Variants in INPP4B observed in about 807,000 individuals in gnomAD.
The protein encoded by INPP4B is inositol polyphosphate-4-phosphatase type II B.
In INPP4B, 55 loss-of-function variants were observed where a neutral mutation model predicts 122.5. That is an observed-to-expected ratio of 0.45 (90% confidence interval 0.36 to 0.56). INPP4B has a LOEUF of 0.56. Among genes scored for constraint, INPP4B ranks in the 20% least tolerant of loss-of-function variants. The pLI, the probability that INPP4B is intolerant of heterozygous loss-of-function variation, is 0.00. For synonymous variants in INPP4B, 403 were observed against 388.7 expected, an observed-to-expected ratio of 1.04 and a Z score of -0.43; for missense variants, 1,000 against 1,097.7, an observed-to-expected ratio of 0.91 and a Z score of 1.26.
At chr4:142,160,304 A>G (rs1038222607) in intron 17 of INPP4B, 54 bp downstream of exon 17, 6 of 1,171,248 alleles carry the variant, frequency 5.1e-6, no homozygotes, top group Non-Finnish European at 5.8e-6. Flanking sequence ...GATCATTCCT[A>G]CCTTATTTCT....
chr4:142,065,934 C>G (rs555865603), intron 25 of INPP4B, among the ~76,000 whole-genome samples: 24 of 152,238 alleles, frequency 1.6e-4, no homozygotes, highest in Non-Finnish European at 3.4e-4. Context: ...CCTCCAGGAA[C>G]CTTCATGTGT....
At chr4:142,263,651 T>C (rs1333979388) in intron 10 of INPP4B, among the ~76,000 whole-genome samples, 1 of 69,172 alleles carries the variant, frequency 1.4e-5, no homozygotes, top group African/African-American at 6.7e-5. Flanking sequence ...TATATATATA[T>C]ATATATATAT....
chr4:142,235,258 G>T (rs1353276470), intron 12 of INPP4B, among the ~76,000 whole-genome samples: 1 of 151,850 alleles, frequency 6.6e-6, no homozygotes, highest in African/African-American at 2.4e-5. Flanking sequence ...TTCCTAGCTT[G>T]TTGAATTTTT....
chr4:142,423,780 C>A (rs954871003), intron 5 of INPP4B: 2 of 428,170 alleles, frequency 4.7e-6, no homozygotes, highest in African/African-American at 4.2e-5. Flanking sequence ...AGACCTTCTA[C>A]AAGTGGTGGC....
chr4:142,580,860 T>C (rs1734906184), intron 2 of INPP4B, among the ~76,000 whole-genome samples: 3 of 152,046 alleles, frequency 2.0e-5, no homozygotes, highest in Non-Finnish European at 1.5e-5. Flanking sequence ...AGGTGCTGTT[T>C]CATAACTCAA....
At chr4:142,582,663 C>T (rs1356675992) in intron 2 of INPP4B, among the ~76,000 whole-genome samples, 5 of 152,074 alleles carry the variant, frequency 3.3e-5, no homozygotes, top group African/African-American at 1.2e-4. Flanking sequence ...CTTGCAATAA[C>T]GAGTTTGGTG....
At chr4:142,551,051 A>G (rs1174363362) in intron 2 of INPP4B, among the ~76,000 whole-genome samples, 1 of 152,192 alleles carries the variant, frequency 6.6e-6, no homozygotes, top group Non-Finnish European at 1.5e-5. Flanking sequence ...AGGAATCGTA[A>G]AGAGTCATGG....
intron 2 of INPP4B, among the ~76,000 whole-genome samples, chr4:142,504,804 A>G (rs1480994257): frequency 6.6e-6 from 1 of 152,184 alleles, no homozygotes; most frequent in Admixed American, 6.6e-5. Context: ...TCACATAAAC[A>G]TATTTATATT....
At chr4:142,644,028 C>G (rs1751156955) in intron 2 of INPP4B, among the ~76,000 whole-genome samples, 1 of 151,750 alleles carries the variant, frequency 6.6e-6, no homozygotes, top group Admixed American at 6.6e-5. Flanking sequence ...TTGCGTGATC[C>G]CATTTCTACA....
At chr4:142,383,546 G>A (rs1433065588) in intron 7 of INPP4B, among the ~76,000 whole-genome samples, 1 of 152,070 alleles carries the variant, frequency 6.6e-6, no homozygotes, top group Non-Finnish European at 1.5e-5. Context: ...ATTCCAATCT[G>A]TGGACACAAT....
chr4:142,754,813 T>C (rs537523379), intron 1 of INPP4B, among the ~76,000 whole-genome samples: 3 of 152,174 alleles, frequency 2.0e-5, no homozygotes, highest in African/African-American at 4.8e-5. Flanking sequence ...ATGATTCTTC[T>C]ATAGCTAAAC....
rs1829535706 is a variant in INPP4B, at chr4:142,545,768, T to A, written c.-190-83042A>T. Among the ~76,000 whole-genome samples the A allele has an allele frequency of 6.2e-5, 9 of 144,794 alleles. No homozygotes were observed. In the South Asian group the frequency reaches 1.1e-3, roughly 18 times the overall value. The allele number at this position is 144,794 out of a possible 152,430, so 95.0% of individuals were successfully genotyped here. ...GTATATATATACACATGTATATGTGTGTATATATATACACATATATATGTG... is the reference window on the plus strand; with the variant it reads ...GTATATATATACACATGTATATGTGAGTATATATATACACATATATATGTG... On this transcript the variant is annotated intron_variant, in intron 2 of 25. Coordinates refer to ENST00000262992, the MANE Select transcript of INPP4B (RefSeq NM_001101669.3).
chr4:142,444,145 T>C (rs1812413263), intron 3 of INPP4B, among the ~76,000 whole-genome samples: 1 of 152,194 alleles, frequency 6.6e-6, no homozygotes, highest in Non-Finnish European at 1.5e-5. Context: ...AGAATGCCTT[T>C]GACAGGCTAA....
intron 2 of INPP4B, among the ~76,000 whole-genome samples, chr4:142,629,408 A>ATTCAT (rs1747396275): frequency 6.6e-6 from 1 of 152,108 alleles, no homozygotes; most frequent in Non-Finnish European, 1.5e-5. Context: ...GAATGATATT[A>ATTCAT]GCTTCAACAG....
intron 9 of INPP4B, among the ~76,000 whole-genome samples, chr4:142,276,581 G>A (rs1279318744): frequency 6.6e-6 from 1 of 151,922 alleles, no homozygotes; most frequent in African/African-American, 2.4e-5. Context: ...TATAAAGATT[G>A]TAAACCATCC....
chr4:142,114,656 T>C (rs1792063988), intron 21 of INPP4B, among the ~76,000 whole-genome samples: 1 of 152,126 alleles, frequency 6.6e-6, no homozygotes. Flanking sequence ...TTACATATTC[T>C]GAATATGAGT....
chr4:142,409,621 C>G (rs907097289), intron 5 of INPP4B, among the ~76,000 whole-genome samples: 2 of 152,138 alleles, frequency 1.3e-5, no homozygotes, highest in African/African-American at 2.4e-5. Context: ...ACTGAACAAA[C>G]TGGAAAGCTT....
In INPP4B at chr4:142,537,489, T is replaced by C. The variant is rs79562087; in HGVS notation, c.-190-74763A>G. On this transcript the variant is annotated intron_variant, in intron 2 of 25. Transcript: ENST00000262992. ...AGAGAGAGATACACATACACATACA[T>C]ACACAAACACATAAAGTGAGTCCTC... Among the ~76,000 whole-genome samples, 958 of 74,206 alleles carry C rather than the reference T, an allele frequency of 0.013. 6 individuals are homozygous for C. In the East Asian group the frequency reaches 0.14, roughly 11 times the overall value. The allele number at this position is 74,206 out of a possible 152,430, so 48.7% of individuals were successfully genotyped here.
intron 24 of INPP4B, among the ~76,000 whole-genome samples, chr4:142,082,866 C>A (rs920520880): frequency 6.6e-6 from 1 of 152,182 alleles, no homozygotes; most frequent in African/African-American, 2.4e-5. Flanking sequence ...GCGGCTCATG[C>A]CTGTAATCCT....
Sources: gnomAD v4.1 joint callset for allele counts (sites outside exome capture counted in the v4.1 genomes callset) on GRCh38, gnomAD v4.1.1 for gene constraint, MANE v1.5 for transcripts, NCBI Gene and HGNC (gene_info 2026-07-23, HGNC 2026-07-21) for gene names.